The following TCF12 variants were observed in gnomAD, a reference collection of about 807,000 sequenced individuals.
TCF12 encodes transcription factor 12, also known as DNA-binding protein HTF4.
In TCF12, 45 loss-of-function variants were observed where a neutral mutation model predicts 86.0. The ratio of observed to expected loss-of-function variants is 0.52; its 90% CI spans 0.41 to 0.67. TCF12 has a LOEUF of 0.67. Among genes scored for constraint, TCF12 ranks in the 30% least tolerant of loss-of-function variants. The pLI, the probability that TCF12 is intolerant of heterozygous loss-of-function variation, is 0.00. For synonymous variants in TCF12, 330 were observed against 299.6 expected, an observed-to-expected ratio of 1.10 and a Z score of -1.05; for missense variants, 881 against 859.9, an observed-to-expected ratio of 1.02 and a Z score of -0.31.
At chr15:57,065,669 G>C (rs1185976814) in intron 4 of TCF12, among the ~76,000 whole-genome samples, 1 of 139,372 alleles carries the variant, frequency 7.2e-6, no homozygotes, top group African/African-American at 2.7e-5. Flanking sequence ...GATTTTAGGA[G>C]AAGAAAAGTA....
intron 5 of TCF12, among the ~76,000 whole-genome samples, chr15:57,102,284 C>T (rs1246024931): frequency 6.6e-6 from 1 of 152,144 alleles, no homozygotes; most frequent in Admixed American, 6.5e-5. Flanking sequence ...AGTAACTCTG[C>T]CAATTTGTTG....
chr15:57,125,035 G>T (rs184778678), intron 5 of TCF12, among the ~76,000 whole-genome samples: 2 of 152,024 alleles, frequency 1.3e-5, no homozygotes, highest in Admixed American at 6.5e-5. Context: ...TTCCGCGACC[G>T]CCGTTATGTC....
chr15:57,250,620 T>C (rs966499776), intron 13 of TCF12, among the ~76,000 whole-genome samples: 2 of 151,970 alleles, frequency 1.3e-5, no homozygotes, highest in South Asian at 4.2e-4. Context: ...TCCCAGCTAC[T>C]TGGGAGGCTG....
intron 2 of TCF12, among the ~76,000 whole-genome samples, chr15:56,920,218 C>T (rs560118920): frequency 3.3e-5 from 5 of 152,170 alleles, no homozygotes; most frequent in Admixed American, 3.3e-4. Flanking sequence ...ACTTTAATGC[C>T]AGAGGGGTCA....
At chr15:57,022,676 TC>T (rs1346606662) in intron 3 of TCF12, among the ~76,000 whole-genome samples, 2 of 152,220 alleles carry the variant, frequency 1.3e-5, no homozygotes, top group African/African-American at 4.8e-5. Context: ...TAATTTACAC[TC>T]CCACCAACAG....
At chr15:57,153,395 A>T (rs1212008602) in intron 5 of TCF12, among the ~76,000 whole-genome samples, 1 of 152,202 alleles carries the variant, frequency 6.6e-6, no homozygotes, top group African/African-American at 2.4e-5. Flanking sequence ...TTCCAGTAAA[A>T]CTTTATTTAC....
intron 3 of TCF12, among the ~76,000 whole-genome samples, chr15:56,922,051 C>T (rs1208698371): frequency 2.0e-5 from 3 of 151,900 alleles, no homozygotes; most frequent in Non-Finnish European, 2.9e-5. Context: ...AAAAGGACAT[C>T]ATGAAACGAT....
intron 3 of TCF12, among the ~76,000 whole-genome samples, chr15:57,042,434 G>C (rs1341499099): frequency 6.6e-6 from 1 of 151,888 alleles, no homozygotes; most frequent in African/African-American, 2.4e-5. Flanking sequence ...AATATATATA[G>C]ACAAAGTCTT....
intron 4 of TCF12, among the ~76,000 whole-genome samples, chr15:57,086,854 G>T (rs2048669679): frequency 6.6e-6 from 1 of 151,874 alleles, no homozygotes; most frequent in African/African-American, 2.4e-5. Flanking sequence ...TTCTGAACTG[G>T]GAAAGATCCT....
intron 3 of TCF12, among the ~76,000 whole-genome samples, chr15:57,013,142 G>T (rs2064938986): frequency 6.6e-6 from 1 of 152,062 alleles, no homozygotes; most frequent in South Asian, 2.1e-4. Flanking sequence ...GCGTGGCAGT[G>T]TGTTAGGAAG....
intron 3 of TCF12, among the ~76,000 whole-genome samples, chr15:57,044,970 G>T (rs2067135022): frequency 6.6e-6 from 1 of 152,178 alleles, no homozygotes; most frequent in Non-Finnish European, 1.5e-5. Flanking sequence ...AAAGCATCCA[G>T]AATCATAGTA....
At chr15:57,124,845 C>CT (rs1365025301) in intron 5 of TCF12, among the ~76,000 whole-genome samples, 2 of 147,138 alleles carry the variant, frequency 1.4e-5, no homozygotes, top group Non-Finnish European at 3.0e-5. Context: ...GCCCGGCTAA[C>CT]TTTTTTTTTG....
chr15:57,062,436 T>TG (rs2068529093), intron 3 of TCF12, among the ~76,000 whole-genome samples: 1 of 151,892 alleles, frequency 6.6e-6, no homozygotes, highest in African/African-American at 2.4e-5. Flanking sequence ...ACTCATCTTT[T>TG]GTATCAACTT....
chr15:56,963,437 T>C lies in TCF12; in HGVS notation c.148+42339T>C, dbSNP rs146727239. Among the ~76,000 whole-genome samples the C allele has an allele frequency of 7.3e-3, 1,112 of 152,320 alleles. 15 individuals are homozygous for C. Among genetic ancestry groups the C allele is most frequent in the African/African-American group, 0.026 (1,062 of 41,564 alleles). On this transcript the variant is annotated intron_variant, in intron 3 of 20. Coordinates refer to ENST00000333725, the MANE Select transcript of TCF12 (RefSeq NM_207037.2). ...CTTAGTTCTAGGCAGAATTTAGCTT[T>C]GTTGTTTTTGATTCAGGAGTTAAAT...
intron 7 of TCF12, among the ~76,000 whole-genome samples, chr15:57,197,543 TC>T (rs1184197140): frequency 6.6e-6 from 1 of 152,210 alleles, no homozygotes; most frequent in Non-Finnish European, 1.5e-5. Flanking sequence ...GCTGTCATCT[TC>T]CCAAATTTAT....
chr15:57,200,659 A>G (rs2072908967), intron 8 of TCF12, among the ~76,000 whole-genome samples: 1 of 152,234 alleles, frequency 6.6e-6, no homozygotes, highest in Non-Finnish European at 1.5e-5. Flanking sequence ...AATAATAGGC[A>G]GGGTTACTTA....
At chr15:56,928,499 A>G (rs1211798344) in intron 3 of TCF12, among the ~76,000 whole-genome samples, 1 of 152,164 alleles carries the variant, frequency 6.6e-6, no homozygotes, top group African/African-American at 2.4e-5. Flanking sequence ...GTGAGGCAAT[A>G]CCCCTACAAG....
At chr15:56,938,810 AAT>A (rs2060600011) in intron 3 of TCF12, among the ~76,000 whole-genome samples, 1 of 152,152 alleles carries the variant, frequency 6.6e-6, no homozygotes, top group South Asian at 2.1e-4. Context: ...TCCACATATG[AAT>A]TTTGAGAGGA....
chr15:57,039,694 A>T (rs1270941670), intron 3 of TCF12, among the ~76,000 whole-genome samples: 1 of 152,124 alleles, frequency 6.6e-6, no homozygotes, highest in Non-Finnish European at 1.5e-5. Flanking sequence ...TCTGTGGGTT[A>T]TGCTTACTTA....
Sources: gnomAD v4.1 joint callset for allele counts (sites outside exome capture counted in the v4.1 genomes callset) on GRCh38, gnomAD v4.1.1 for gene constraint, MANE v1.5 for transcripts, NCBI Gene and HGNC (gene_info 2026-07-23, HGNC 2026-07-21) for gene names.